Variants in KCNH5 observed in about 807,000 individuals in gnomAD.
KCNH5 encodes the protein voltage-gated delayed rectifier potassium channel KCNH5.
In KCNH5, 46 loss-of-function variants were observed where a neutral mutation model predicts 96.1. That is an observed-to-expected ratio of 0.48 (90% CI 0.38 to 0.61). The LOEUF (loss-of-function observed/expected upper bound fraction) is 0.61, where lower values mean the gene tolerates loss of function less well. Ranked by LOEUF, KCNH5 falls within the 20% of genes least tolerant of loss-of-function variation. The pLI, the probability that KCNH5 is intolerant of heterozygous loss-of-function variation, is 0.00. For missense variants in KCNH5, 907 were observed against 1,225.8 expected (o/e 0.74, Z 3.88); for synonymous variants, 439 against 449.8 (o/e 0.98, Z 0.30).
intron 7 of KCNH5, among the ~76,000 whole-genome samples, chr14:62,851,759 A>G (rs1184137320): frequency 1.3e-5 from 2 of 152,110 alleles, no homozygotes; most frequent in Non-Finnish European, 2.9e-5. Context: ...TTGTCAATAA[A>G]TGTCACAGAA....
intron 10 of KCNH5, among the ~76,000 whole-genome samples, chr14:62,773,115 T>C (rs1886025187): frequency 1.3e-5 from 2 of 152,232 alleles, no homozygotes; most frequent in African/African-American, 4.8e-5. Context: ...GAAATGCTTT[T>C]ATTCTAGGTT....
At chr14:62,757,412 C>CT (rs1203052218) in intron 10 of KCNH5, among the ~76,000 whole-genome samples, 2 of 152,056 alleles carry the variant, frequency 1.3e-5, no homozygotes, top group Non-Finnish European at 2.9e-5. Context: ...AATAGAACTA[C>CT]CATATGATCT....
At chr14:62,722,013 T>A (rs1344822132) in intron 10 of KCNH5, among the ~76,000 whole-genome samples, 2 of 152,232 alleles carry the variant, frequency 1.3e-5, no homozygotes, top group Admixed American at 6.5e-5. Flanking sequence ...CCAGTAGCAC[T>A]GGAATTGCCA....
intron 7 of KCNH5, among the ~76,000 whole-genome samples, chr14:62,862,968 G>A (rs569565940): frequency 3.3e-5 from 5 of 152,110 alleles, no homozygotes; most frequent in South Asian, 4.2e-4. Flanking sequence ...AAAGCCCTCC[G>A]TTTTGCTCCA....
intron 7 of KCNH5, among the ~76,000 whole-genome samples, chr14:62,852,338 A>T (rs538452654): frequency 6.6e-6 from 1 of 152,306 alleles, no homozygotes; most frequent in East Asian, 1.9e-4. Context: ...TCTCATTTTC[A>T]TGTGAATGTA....
At chr14:62,895,859 G>A (rs994392325) in intron 7 of KCNH5, among the ~76,000 whole-genome samples, 3 of 152,098 alleles carry the variant, frequency 2.0e-5, no homozygotes, top group Admixed American at 2.0e-4. Context: ...TAGCACACAT[G>A]GATAGCCTAG....
chr14:62,929,755 G>T (rs906740109), intron 7 of KCNH5, among the ~76,000 whole-genome samples: 7 of 150,782 alleles, frequency 4.6e-5, no homozygotes, highest in Admixed American at 1.3e-4. Flanking sequence ...TTGTACCCAG[G>T]TAGTGAGCAT....
intron 7 of KCNH5, among the ~76,000 whole-genome samples, chr14:62,936,980 CAAAAAAAA>C (rs5809179): frequency 1.6e-5 from 1 of 62,280 alleles, no homozygotes; most frequent in Non-Finnish European, 3.0e-5. Context: ...GACTCCATCT[CAAAAAAAA>C]AAAAAAAAAA....
intron 6 of KCNH5, 51 bp from the exon 7 acceptor site, chr14:62,950,610 A>C: frequency 6.9e-7 from 1 of 1,444,632 alleles, no homozygotes; most frequent in Non-Finnish European, 9.2e-7. Context: ...GGAAAAAAAA[A>C]GGCTGGGGAA....
intron 6 of KCNH5, among the ~76,000 whole-genome samples, chr14:62,963,857 A>G (rs963030512): frequency 6.6e-6 from 1 of 152,140 alleles, no homozygotes; most frequent in Non-Finnish European, 1.5e-5. Flanking sequence ...AGTGAGTCAC[A>G]TTAGTGGTGG....
intron 10 of KCNH5, among the ~76,000 whole-genome samples, chr14:62,750,244 G>A (rs575105610): frequency 5.3e-5 from 8 of 152,236 alleles, no homozygotes; most frequent in South Asian, 2.1e-4. Flanking sequence ...AAGCCTTTAC[G>A]TATAAAAAGC....
chr14:62,907,573 A>C (rs1227340866), intron 7 of KCNH5, among the ~76,000 whole-genome samples: 1 of 152,232 alleles, frequency 6.6e-6, no homozygotes, highest in East Asian at 1.9e-4. Context: ...TTTCCAGGAC[A>C]GGAAACCAAG....
intron 10 of KCNH5, among the ~76,000 whole-genome samples, chr14:62,745,009 T>C (rs1220516337): frequency 6.6e-6 from 1 of 152,032 alleles, no homozygotes; most frequent in Non-Finnish European, 1.5e-5. Flanking sequence ...TTATAAAGGG[T>C]ACATCCAGAC....
intron 6 of KCNH5, among the ~76,000 whole-genome samples, chr14:62,962,168 T>C (rs559110915): frequency 1.3e-5 from 2 of 152,288 alleles, no homozygotes; most frequent in East Asian, 1.9e-4. Context: ...CCAGCCATCC[T>C]GAATCTTCTA....
chr14:62,972,099 G>T (rs7150445), intron 6 of KCNH5, among the ~76,000 whole-genome samples: 27,975 of 151,968 alleles, frequency 0.18, 2,990 homozygotes, highest in Non-Finnish European at 0.25. Context: ...ATTTGCAAAA[G>T]ACATCTAATA....
intron 9 of KCNH5, among the ~76,000 whole-genome samples, chr14:62,798,961 T>A (rs1418392869): frequency 6.6e-6 from 1 of 152,210 alleles, no homozygotes; most frequent in African/African-American, 2.4e-5. Flanking sequence ...TTGTTTCTCC[T>A]ATCAGACTAA....
chr14:62,880,220 T>C (rs1017931670), intron 7 of KCNH5, among the ~76,000 whole-genome samples: 2 of 152,182 alleles, frequency 1.3e-5, no homozygotes, highest in Non-Finnish European at 2.9e-5. Context: ...TTCTATGGAA[T>C]AGACAGTGGC....
At chr14:62,994,957 GT>G (rs1434812859) in intron 4 of KCNH5, among the ~76,000 whole-genome samples, 1 of 152,130 alleles carries the variant, frequency 6.6e-6, no homozygotes. Context: ...CAAAGATAGT[GT>G]TGACATTACC....
intron 10 of KCNH5, among the ~76,000 whole-genome samples, chr14:62,773,375 C>T (rs1440284320): frequency 6.6e-6 from 1 of 152,296 alleles, no homozygotes; most frequent in East Asian, 1.9e-4. Flanking sequence ...CTGTTTCCTC[C>T]CCTTGGACAA....
Sources: gnomAD v4.1 joint callset for allele counts (sites outside exome capture counted in the v4.1 genomes callset) on GRCh38, gnomAD v4.1.1 for gene constraint, MANE v1.5 for transcripts, NCBI Gene and HGNC (gene_info 2026-07-23, HGNC 2026-07-21) for gene names.